Variants in CD40 observed in about 807,000 individuals in gnomAD.
CD40 encodes the protein CD40 molecule, also known as tumor necrosis factor receptor superfamily member 5.
Under a neutral mutation model 38.5 loss-of-function variants are expected in CD40, and 19 were observed. The observed-to-expected ratio is 0.49, with a 90% CI of 0.34 to 0.72. The LOEUF (loss-of-function observed/expected upper bound fraction) is 0.72. CD40 is among the 30% of genes least tolerant of loss of function. The pLI, the probability that CD40 is intolerant of heterozygous loss-of-function variation, is 0.01. For synonymous variants in CD40, 130 were observed against 128.7 expected (o/e 1.01, Z -0.07); for missense variants, 256 against 344.1 (o/e 0.74, Z 2.03).
intron 6 of CD40, chr20:46,127,317 A>T (rs950379725): frequency 3.2e-5 from 5 of 155,170 alleles, no homozygotes; most frequent in African/African-American, 9.6e-5. Flanking sequence ...CAATATTTTT[A>T]AAAATAAAAA....
At chr20:46,120,251 A>G (rs191808557) in intron 1 of CD40, among the ~76,000 whole-genome samples, 1 of 152,350 alleles carries the variant, frequency 6.6e-6, no homozygotes, top group Non-Finnish European at 1.5e-5. Context: ...TGTTCCTGAC[A>G]CTGTGCTAGG....
At chr20:46,123,991 C>T (rs900623281) in intron 5 of CD40, among the ~76,000 whole-genome samples, 1 of 152,230 alleles carries the variant, frequency 6.6e-6, no homozygotes, top group Non-Finnish European at 1.5e-5. Flanking sequence ...ACTCATCTGC[C>T]TGGAATACCT....
In CD40 at chr20:46,122,363, G is replaced by A; in HGVS notation, c.256+5G>A. On this transcript the variant is annotated splice_donor_5th_base_variant and intron_variant, in intron 3 of 8. Transcript: ENST00000372285. This position sits in a 1 kb window ranked among gnomAD's most constrained non-coding sequence, Gnocchi z 5.0. The stretch of plus-strand genomic sequence containing the variant: ...AGCACAAATACTGCGACCCCAGTGC[G>A]TGCGCTGTTGGGAAAGGGACGCTTG... The A allele has an allele frequency of 1.9e-6, 3 of 1,614,192 alleles. No individual in the cohort carries two copies. The highest frequency in any genetic ancestry group is 2.5e-6 in the Non-Finnish European group (3 of 1,180,044).
Position 46,128,198 on chromosome 20 carries a change from C to T in CD40, c.620C>T (p.Ala207Val), listed in dbSNP as rs1484009178. ...VIPIIFGILF[A>V]ILLVLVFIKK... is the part of the protein sequence containing the mutation. ...CCCATCATCTTCGGGATCCTGTTTG[C>T]CATCCTCTTGGTGCTGGTCTTTATC... Residue 207 changes from alanine (A) to valine (V), a missense_variant, in exon 7 of 9, where the codon GCC (alanine) becomes GTC (valine). By Grantham distance (64) the Ala-to-Val change is moderately conservative. Coordinates refer to ENST00000372285, the MANE Select transcript of CD40 (RefSeq NM_001250.6). 1.9e-6 allele frequency: 3 copies of T among 1,613,738 alleles called. No individual in the cohort carries two copies. The highest frequency in any genetic ancestry group is 2.2e-5 in the South Asian group (2 of 91,052).
Position 46,122,543 on chromosome 20 carries a change from G to A in CD40, c.257-67G>A, listed in dbSNP as rs2085339162. On this transcript the variant is annotated intron_variant, in intron 3 of 8. Coordinates refer to ENST00000372285, the MANE Select transcript of CD40 (RefSeq NM_001250.6). This position sits in a 1 kb window ranked among gnomAD's most constrained non-coding sequence, Gnocchi z 5.0. ...GTCTGAGGAAGAAAGAGCAGGCAATGTGGGGAGTGAGGCTCAGAGCATGGC... is the reference window on the plus strand; with the variant it reads ...GTCTGAGGAAGAAAGAGCAGGCAATATGGGGAGTGAGGCTCAGAGCATGGC... The A allele has an allele frequency of 1.2e-6, 2 of 1,606,426 alleles. No individual in the cohort carries two copies. Among genetic ancestry groups the A allele is most frequent in the Non-Finnish European group, 1.7e-6 (2 of 1,173,162 alleles).
rs754823732 is a variant in CD40 at position 46,129,090 on chromosome 20, C to T, written c.*50C>T. 2.5e-6 allele frequency: 4 copies of T among 1,602,136 alleles called. No homozygotes were observed. In the East Asian group the frequency reaches 6.7e-5, roughly 27 times the overall value. The stretch of plus-strand genomic sequence containing the variant: ...CCACGTGGGCAAACAGGCAGTTGGC[C>T]AGAGAGCCTGGTGCTGCTGCTGCTG... On this transcript the variant is annotated 3_prime_UTR_variant, in exon 9 of 9. Coordinates refer to ENST00000372285, the MANE Select transcript of CD40 (RefSeq NM_001250.6).
rs1427005700 is a variant in CD40 at position 46,126,648 on chromosome 20, CCAA to C, written c.507_509del (p.Lys170del). 14 of 1,614,120 alleles carry C rather than the reference CCAA, an allele frequency of 8.7e-6. No homozygotes were observed. Among genetic ancestry groups the C allele is most frequent in the Non-Finnish European group, 1.0e-5 (12 of 1,180,024 alleles). ...CACGTGTCTGTGCATAGCTGTGAGA[CCAA>C]AGACCTGGTTGTGCAACAGGCAGGC... is the stretch of plus-strand genomic sequence containing the variant. On this transcript the variant is annotated inframe_deletion, in exon 6 of 9. Transcript: ENST00000372285.
In CD40 at chr20:46,123,236, C is replaced by G; in HGVS notation, c.497+17C>G. 6.3e-7 allele frequency: 1 copy of G among 1,577,540 alleles called. No individual in the cohort carries two copies. Among genetic ancestry groups the G allele is most frequent in the Non-Finnish European group, 8.7e-7 (1 of 1,146,586 alleles). The stretch of plus-strand genomic sequence containing the variant: ...TTGGACAAGGTATAAGCACTCATCC[C>G]TTGTGTTTCCTGCTCTAAGAGTGGC... On this transcript the variant is annotated intron_variant, in intron 5 of 8. Transcript: ENST00000372285.
intron 2 of CD40, 28 bp downstream of exon 2, chr20:46,121,926 A>T: frequency 1.3e-6 from 2 of 1,578,098 alleles, no homozygotes; most frequent in East Asian, 2.2e-5. Flanking sequence ...TAGCCCCATC[A>T]TGGAGTCCCC....
At chr20:46,124,774 T>C in intron 5 of CD40, among the ~76,000 whole-genome samples, 1 of 124,592 alleles carries the variant, frequency 8.0e-6, no homozygotes, top group African/African-American at 3.1e-5. Context: ...TTTTTTTTTT[T>C]TTTTTTTTTT....
rs768929858 is a variant in CD40, at chr20:46,122,210, C to T, written c.131-23C>T. 49 of 1,613,960 alleles carry T rather than the reference C, an allele frequency of 3.0e-5. No individual in the cohort carries two copies. Among genetic ancestry groups the T allele is most frequent in the South Asian group, 4.4e-5 (4 of 91,060 alleles). Reference sequence around the variant, plus strand: ...ACTCATGGAGTTGGCCAGAGCCCTCCCTCATTTCCTGATGTTTTCCAGGAC... The same window carrying T: ...ACTCATGGAGTTGGCCAGAGCCCTCTCTCATTTCCTGATGTTTTCCAGGAC... On this transcript the variant is annotated intron_variant, in intron 2 of 8. Coordinates refer to ENST00000372285, the MANE Select transcript of CD40 (RefSeq NM_001250.6). The surrounding 1 kb of genome is among the most constrained non-coding windows in gnomAD (Gnocchi z 5.0).
At chr20:46,123,564 G>T (rs1020892084) in intron 5 of CD40, among the ~76,000 whole-genome samples, 9 of 152,050 alleles carry the variant, frequency 5.9e-5, no homozygotes, top group Middle Eastern at 3.2e-3. Flanking sequence ...GGGCTTTCTG[G>T]GCTCTGGGTG....
At chr20:46,126,012 T>C (rs746628207) in intron 5 of CD40, among the ~76,000 whole-genome samples, 15 of 152,234 alleles carry the variant, frequency 9.9e-5, no homozygotes, top group Non-Finnish European at 1.5e-4. Context: ...TCAGGTCATA[T>C]GTCCTCAGGG....
In CD40 at chr20:46,128,175, C is replaced by A; in HGVS notation, c.597C>A (p.Pro199=). The change falls in exon 7 of 9, where the codon CCC becomes CCA. Residue 199 remains proline, a synonymous_variant. Transcript: ENST00000372285. ...QDRLRALVVI[P]IIFGILFAIL... The stretch of plus-strand genomic sequence containing the variant: ...GGCTGAGAGCCCTGGTGGTGATCCC[C>A]ATCATCTTCGGGATCCTGTTTGCCA... 6.2e-7 allele frequency: 1 copy of A among 1,613,834 alleles called. No homozygotes were observed. The highest frequency in any genetic ancestry group is 8.5e-7 in the Non-Finnish European group (1 of 1,179,964).
rs752136889 is a variant in CD40 at position 46,122,267 on chromosome 20, T to C, written c.165T>C (p.Thr55=). ...QKLVSDCTEF[T]ETECLPCGES... is the part of the protein sequence containing the mutation. Reference sequence around the variant, plus strand: ...TGGTGAGTGACTGCACAGAGTTCACTGAAACGGAATGCCTTCCTTGCGGTG... The same window carrying C: ...TGGTGAGTGACTGCACAGAGTTCACCGAAACGGAATGCCTTCCTTGCGGTG... Residue 55 remains threonine, a synonymous_variant, in exon 3 of 9, where the codon ACT becomes ACC. Coordinates refer to ENST00000372285, the MANE Select transcript of CD40 (RefSeq NM_001250.6). This position sits in a 1 kb window ranked among gnomAD's most constrained non-coding sequence, Gnocchi z 5.0. 6.2e-6 allele frequency: 10 copies of C among 1,614,178 alleles called. No homozygotes were observed. In the South Asian group the frequency reaches 1.1e-4, roughly 18 times the overall value.
Position 46,128,205 on chromosome 20 carries a change from C to T in CD40, c.627C>T (p.Leu209=). 3.1e-6 allele frequency: 5 copies of T among 1,610,916 alleles called. No homozygotes were observed. The highest frequency in any genetic ancestry group is 4.2e-6 in the Non-Finnish European group (5 of 1,179,376). ...PIIFGILFAI[L]LVLVFIKKVA... ...TCTTCGGGATCCTGTTTGCCATCCT[C>T]TTGGTGCTGGTCTTTATCAGTGAGT... The change falls in exon 7 of 9, where the codon CTC becomes CTT. Residue 209 remains leucine (L), a synonymous_variant. Transcript: ENST00000372285.
intron 6 of CD40, among the ~76,000 whole-genome samples, chr20:46,127,737 A>G (rs1349640652): frequency 6.6e-6 from 1 of 152,206 alleles, no homozygotes; most frequent in Non-Finnish European, 1.5e-5. Context: ...GACATGAATC[A>G]TGCTAGACCT....
At chr20:46,128,680 G>A in intron 8 of CD40, 2 of 669,904 alleles carry the variant, frequency 3.0e-6, no homozygotes, top group Non-Finnish European at 5.2e-6. Context: ...AGCCCCTTAA[G>A]CCCACTGGCT....
Position 46,129,200 on chromosome 20 carries a change from G to T in CD40, c.*160G>T. 3 of 741,266 alleles carry T rather than the reference G, an allele frequency of 4.0e-6. No homozygotes were observed. In the Admixed American group the frequency reaches 6.1e-5, roughly 15 times the overall value. The allele number at this position is 741,266 out of a possible 1,614,324, so 45.9% of individuals were successfully genotyped here. On this transcript the variant is annotated 3_prime_UTR_variant, in exon 9 of 9. Transcript: ENST00000372285. ...CCTGCAGTTTGAGACAGGAGACCTGGCACTGGATGCAGAAACAGTTCACCT... is the reference window on the plus strand; with the variant it reads ...CCTGCAGTTTGAGACAGGAGACCTGTCACTGGATGCAGAAACAGTTCACCT...
Sources: allele counts gnomAD v4.1 joint callset (sites outside exome capture counted in the v4.1 genomes callset), GRCh38; gene constraint gnomAD v4.1.1; non-coding constraint Gnocchi (gnomAD v3.1); transcripts MANE v1.5; gene names NCBI Gene and HGNC (gene_info 2026-07-23, HGNC 2026-07-21).